HMCES: variants seen among roughly 807,000 people sequenced by gnomAD.
The protein encoded by HMCES is abasic site processing protein HMCES.
A neutral mutation model predicts 35.1 loss-of-function variants in HMCES; 27 were observed. The ratio of observed to expected loss-of-function variants is 0.77; its 90% confidence interval spans 0.57 to 1.06. The LOEUF is 1.06. Ranked by LOEUF, HMCES falls within the 50% of genes least tolerant of loss-of-function variation. The pLI is 0.00. For missense variants in HMCES, 391 were observed against 430.4 expected (o/e 0.91, Z 0.81); for synonymous variants, 130 against 154.7 (o/e 0.84, Z 1.18).
At chr3:129,280,025 A>G (rs1459544892) in intron 2 of HMCES, 110 bp downstream of exon 2, 6 of 923,432 alleles carry the variant, frequency 6.5e-6, no homozygotes, top group Non-Finnish European at 7.9e-6. Context: ...ACCAGCCTTT[A>G]CTGATATATT....
rs748852413 is a variant in HMCES at position 129,298,399 on chromosome 3, G to C, written c.499G>C (p.Val167Leu). 6.2e-7 allele frequency: 1 copy of C among 1,614,218 alleles called. No individual in the cohort carries two copies. Among genetic ancestry groups the C allele is most frequent in the Non-Finnish European group, 8.5e-7 (1 of 1,180,036 alleles). ...AADSPENWEK[V>L]WDNWRLLTMA... The stretch of plus-strand genomic sequence containing the variant: ...AGATAGTCCTGAGAACTGGGAGAAA[G>C]TCTGGGACAACTGGAGGCTGCTGAC... The change falls in exon 5 of 7, where the codon GTC (valine) becomes CTC (leucine). Residue 167 changes from valine (V) to leucine (L), a missense_variant. Physicochemically the swap from Val to Leu is conservative, Grantham distance 32 (BLOSUM62 1). Coordinates refer to ENST00000383463, the MANE Select transcript of HMCES (RefSeq NM_020187.3).
chr3:129,279,615 G>A lies in HMCES; in HGVS notation c.-23-95G>A. 2 of 1,246,894 alleles carry A rather than the reference G, an allele frequency of 1.6e-6. No individual in the cohort carries two copies. Among genetic ancestry groups the A allele is most frequent in the Admixed American group, 4.6e-5 (2 of 43,086 alleles). 77.2% of individuals were successfully genotyped at this position (1,246,894 alleles called of 1,614,324 possible). A position where few individuals can be genotyped will look rare whatever the true frequency, so the allele number is the denominator to read the frequency against. The stretch of plus-strand genomic sequence containing the variant: ...TAGACGGTGGTCACGGAGGGGCACG[G>A]CCCTGTGGGAACGGAAAGAGAAGGC... On this transcript the variant is annotated intron_variant, in intron 1 of 6. Coordinates refer to ENST00000383463, the MANE Select transcript of HMCES (RefSeq NM_020187.3). This position sits in a 1 kb window ranked among gnomAD's most constrained non-coding sequence, Gnocchi z 4.2.
rs559345474 is a variant in HMCES at position 129,292,786 on chromosome 3, GAA to G, written c.453+1985_453+1986del. On this transcript the variant is annotated intron_variant, in intron 4 of 6. Coordinates refer to ENST00000383463, the MANE Select transcript of HMCES (RefSeq NM_020187.3). ...GGCGTGAGCCACTGCGCCTGGCCGA[GAA>G]AAGTTTTTTATTTCAAGTCGACTAA... is the stretch of plus-strand genomic sequence containing the variant. Among the ~76,000 whole-genome samples, 141 of 152,172 alleles carry G rather than the reference GAA, an allele frequency of 9.3e-4. 1 individual carries two copies. Among genetic ancestry groups the G allele is most frequent in the South Asian group, 5.6e-3 (27 of 4,808 alleles).
chr3:129,292,638 G>A (rs565651650), intron 4 of HMCES, among the ~76,000 whole-genome samples: 38 of 151,742 alleles, frequency 2.5e-4, no homozygotes, highest in Middle Eastern at 3.4e-3. Flanking sequence ...GACTACAGGC[G>A]TGTGCCACCA....
intron 4 of HMCES, among the ~76,000 whole-genome samples, chr3:129,296,928 C>T (rs1054770584): frequency 1.3e-5 from 2 of 152,032 alleles, no homozygotes; most frequent in Non-Finnish European, 2.9e-5. Context: ...TTAGTAGAGA[C>T]GGGGTTTCAC....
chr3:129,297,515 A>G (rs745967799), intron 4 of HMCES, among the ~76,000 whole-genome samples: 2 of 152,166 alleles, frequency 1.3e-5, no homozygotes, highest in Non-Finnish European at 1.5e-5. Context: ...GGCTTCCTCC[A>G]GGCTCCTGCC....
intron 2 of HMCES, among the ~76,000 whole-genome samples, chr3:129,286,267 C>A (rs1940635407): frequency 6.6e-6 from 1 of 152,212 alleles, no homozygotes; most frequent in Non-Finnish European, 1.5e-5. Flanking sequence ...AATCAAAGCC[C>A]TCATGACTGG....
At chr3:129,284,485 G>A (rs1385558326) in intron 2 of HMCES, among the ~76,000 whole-genome samples, 4 of 152,156 alleles carry the variant, frequency 2.6e-5, no homozygotes, top group East Asian at 1.9e-4. Context: ...TGAAAGTGTC[G>A]TCACCAGATG....
chr3:129,288,056 CAA>C (rs545251733), intron 2 of HMCES, among the ~76,000 whole-genome samples: 24 of 145,004 alleles, frequency 1.7e-4, no homozygotes, highest in African/African-American at 5.9e-4. Flanking sequence ...GACTCCGTCT[CAA>C]AAAAAAATAA....
At chr3:129,290,079 C>T (rs1033351345) in intron 3 of HMCES, among the ~76,000 whole-genome samples, 12 of 149,668 alleles carry the variant, frequency 8.0e-5, no homozygotes, top group East Asian at 6.1e-4. Flanking sequence ...CCCAGCTACT[C>T]GGGAAGCTGA....
intron 5 of HMCES, among the ~76,000 whole-genome samples, chr3:129,299,560 C>CT (rs1222004014): frequency 1.3e-5 from 2 of 151,864 alleles, no homozygotes; most frequent in South Asian, 4.1e-4. Flanking sequence ...CCACTACTAG[C>CT]ACTAAAAGGA....
chr3:129,284,635 T>G (rs926219042), intron 2 of HMCES, among the ~76,000 whole-genome samples: 2 of 152,178 alleles, frequency 1.3e-5, no homozygotes, highest in African/African-American at 2.4e-5. Flanking sequence ...CCGGGCGCAG[T>G]GGCTCACACC....
chr3:129,282,927 T>C lies in HMCES; in HGVS notation c.183+3012T>C, dbSNP rs116954700. ...TCGTCATTCTCACATTTGGATTTGGTTTACAGTTGTCAAGGGTACACTCTC... is the reference window on the plus strand; with the variant it reads ...TCGTCATTCTCACATTTGGATTTGGCTTACAGTTGTCAAGGGTACACTCTC... On this transcript the variant is annotated intron_variant, in intron 2 of 6. Transcript: ENST00000383463. Among the ~76,000 whole-genome samples, 65 of 152,338 alleles carry C rather than the reference T, an allele frequency of 4.3e-4. No homozygotes were observed. The East Asian group carries it at 0.012, about 28-fold the overall frequency.
chr3:129,303,759 T>C (rs1267778811), intron 6 of HMCES, among the ~76,000 whole-genome samples: 2 of 152,018 alleles, frequency 1.3e-5, no homozygotes, highest in Non-Finnish European at 2.9e-5. Context: ...TTTTCTTTTT[T>C]AGAGACAGGG....
At chr3:129,282,477 C>G (rs796671574) in intron 2 of HMCES, among the ~76,000 whole-genome samples, 4 of 152,290 alleles carry the variant, frequency 2.6e-5, no homozygotes, top group African/African-American at 9.6e-5. Context: ...ACCGTCCCCA[C>G]TCCAGTGGAT....
At position 129,279,805 on chromosome 3, in the gene HMCES, G is replaced by A. The variant is rs1293997457; in HGVS notation, c.73G>A (p.Gly25Ser). ...AGCTTGCGCCTACCAGGATCGGCGG[G>A]GCCAGCAGCGGCTCCCGGAGTGGAG... ...TRACAYQDRR[G>S]QQRLPEWRDP... The change falls in exon 2 of 7, where the codon GGC becomes AGC. Residue 25 changes from glycine (G) to serine (S), a missense_variant. Transcript: ENST00000383463. The surrounding 1 kb of genome is among the most constrained non-coding windows in gnomAD (Gnocchi z 4.2). 6.2e-7 allele frequency: 1 copy of A among 1,613,396 alleles called. No homozygotes were observed. Among genetic ancestry groups the A allele is most frequent in the African/African-American group, 1.3e-5 (1 of 74,858 alleles).
intron 2 of HMCES, among the ~76,000 whole-genome samples, chr3:129,283,090 TG>T (rs1940542349): frequency 6.6e-6 from 1 of 152,136 alleles, no homozygotes; most frequent in Admixed American, 6.6e-5. Context: ...ACCAGCTAGA[TG>T]TCAGTAGCAT....
intron 2 of HMCES, among the ~76,000 whole-genome samples, chr3:129,285,071 CCTGA>C: frequency 6.6e-6 from 1 of 152,276 alleles, no homozygotes; most frequent in African/African-American, 2.4e-5. Flanking sequence ...TCCATTCTCT[CCTGA>C]CTTTCTTCGT....
intron 4 of HMCES, among the ~76,000 whole-genome samples, chr3:129,295,049 C>T (rs2071075345): frequency 6.6e-6 from 1 of 150,868 alleles, no homozygotes; most frequent in Non-Finnish European, 1.5e-5. Flanking sequence ...GTCCCAGCTA[C>T]TTGGGAGGCT....
Sources: gnomAD v4.1 joint callset for allele counts (sites outside exome capture counted in the v4.1 genomes callset) on GRCh38, gnomAD v4.1.1 for gene constraint, Gnocchi (gnomAD v3.1) non-coding constraint, MANE v1.5 for transcripts, NCBI Gene and HGNC (gene_info 2026-07-23, HGNC 2026-07-21) for gene names.